The following ZCCHC7 variants were observed in gnomAD, a reference collection of about 807,000 sequenced individuals.
The protein encoded by ZCCHC7 is zinc finger CCHC domain-containing protein 7.
A neutral mutation model predicts 52.0 loss-of-function variants in ZCCHC7; 35 were observed. That is an observed-to-expected ratio of 0.67 (90% CI 0.51 to 0.89). The LOEUF (loss-of-function observed/expected upper bound fraction) is 0.89. ZCCHC7 is among the 40% of genes least tolerant of loss of function. The pLI is 0.00. For synonymous variants in ZCCHC7, 217 were observed against 221.5 expected (o/e 0.98, Z 0.18); for missense variants, 574 against 649.1 (o/e 0.88, Z 1.26).
intron 6 of ZCCHC7, among the ~76,000 whole-genome samples, chr9:37,345,066 G>A (rs985596240): frequency 6.6e-6 from 1 of 152,064 alleles, no homozygotes; most frequent in Non-Finnish European, 1.5e-5. Flanking sequence ...ATTACAATCT[G>A]GCTTGTACCT....
At chr9:37,263,619 A>G (rs1216939103) in intron 2 of ZCCHC7, among the ~76,000 whole-genome samples, 3 of 152,186 alleles carry the variant, frequency 2.0e-5, no homozygotes, top group African/African-American at 7.2e-5. Flanking sequence ...CTTTTCATTT[A>G]TTAGTCATTT....
intron 2 of ZCCHC7, among the ~76,000 whole-genome samples, chr9:37,127,441 T>G (rs919892277): frequency 4.6e-5 from 7 of 152,152 alleles, no homozygotes; most frequent in African/African-American, 1.7e-4. Flanking sequence ...TACTCCACAG[T>G]CAGAAAGACA....
chr9:37,256,126 C>T (rs1178344391), intron 2 of ZCCHC7, among the ~76,000 whole-genome samples: 1 of 152,116 alleles, frequency 6.6e-6, no homozygotes, highest in Non-Finnish European at 1.5e-5. Context: ...CAAACAGCAG[C>T]CTTGTAGAAC....
intron 2 of ZCCHC7, among the ~76,000 whole-genome samples, chr9:37,272,031 A>G (rs578063728): frequency 9.1e-4 from 138 of 152,338 alleles, no homozygotes; most frequent in Non-Finnish European, 1.8e-3. Flanking sequence ...GGAGTTTATT[A>G]TACTATTTTT....
Position 37,354,851 on chromosome 9 carries a change from C to G in ZCCHC7, c.1198+27C>G. 1 of 1,456,332 alleles carries G rather than the reference C, an allele frequency of 6.9e-7. No homozygotes were observed. Among genetic ancestry groups the G allele is most frequent in the Non-Finnish European group, 9.5e-7 (1 of 1,047,540 alleles). The allele number at this position is 1,456,332 out of a possible 1,614,324, so 90.2% of individuals were successfully genotyped here. A position where few individuals can be genotyped will look rare whatever the true frequency, so the allele number is the denominator to read the frequency against. On this transcript the variant is annotated intron_variant, in intron 8 of 8. Coordinates refer to ENST00000336755, the MANE Select transcript of ZCCHC7 (RefSeq NM_032226.3). The surrounding 1 kb of genome is among the most constrained non-coding windows in gnomAD (Gnocchi z 4.0). ...TATGTTGCTAGACTTCTTGTTAGAT[C>G]ACATTTGCAGTAGTTTCTAAATTTC...
At chr9:37,198,782 T>A (rs529240579) in intron 2 of ZCCHC7, among the ~76,000 whole-genome samples, 1 of 152,284 alleles carries the variant, frequency 6.6e-6, no homozygotes, top group African/African-American at 2.4e-5. Context: ...TTTGAAAGAT[T>A]AGTAAGAAAG....
chr9:37,148,910 C>T (rs1399650307), intron 2 of ZCCHC7, among the ~76,000 whole-genome samples: 1 of 152,026 alleles, frequency 6.6e-6, no homozygotes, highest in East Asian at 1.9e-4. Flanking sequence ...TCAGTTACCA[C>T]TATTTAGGAG....
intron 2 of ZCCHC7, among the ~76,000 whole-genome samples, chr9:37,285,925 G>T (rs1170169505): frequency 6.6e-6 from 1 of 152,122 alleles, no homozygotes; most frequent in Non-Finnish European, 1.5e-5. Context: ...GTAGAAACTT[G>T]GGGCATTATT....
intron 2 of ZCCHC7, among the ~76,000 whole-genome samples, chr9:37,156,799 C>G (rs1820837237): frequency 6.6e-6 from 1 of 152,146 alleles, no homozygotes. Flanking sequence ...CTATCACTTT[C>G]TTTAGCCTCT....
intron 2 of ZCCHC7, among the ~76,000 whole-genome samples, chr9:37,196,510 C>T (rs1823294431): frequency 6.6e-6 from 1 of 152,042 alleles, no homozygotes; most frequent in African/African-American, 2.4e-5. Flanking sequence ...TTTAGTGGTG[C>T]AGCGATTTTG....
chr9:37,330,507 A>G (rs915403634), intron 6 of ZCCHC7, among the ~76,000 whole-genome samples: 28 of 151,620 alleles, frequency 1.8e-4, no homozygotes, highest in Admixed American at 6.6e-5. Flanking sequence ...TTCTATAATT[A>G]TATAATTTAA....
chr9:37,218,170 G>T (rs1824611067), intron 2 of ZCCHC7, among the ~76,000 whole-genome samples: 1 of 152,012 alleles, frequency 6.6e-6, no homozygotes, highest in Non-Finnish European at 1.5e-5. Flanking sequence ...GACAGTTCTG[G>T]AATTTTGTTT....
chr9:37,229,698 A>G (rs550021510), intron 2 of ZCCHC7, among the ~76,000 whole-genome samples: 1 of 152,330 alleles, frequency 6.6e-6, no homozygotes, highest in African/African-American at 2.4e-5. Context: ...GAAAATTTAC[A>G]TTACTGTAAA....
At chr9:37,282,115 T>G (rs1189203004) in intron 2 of ZCCHC7, among the ~76,000 whole-genome samples, 2 of 152,086 alleles carry the variant, frequency 1.3e-5, no homozygotes, top group Non-Finnish European at 2.9e-5. Flanking sequence ...GTCAGTAGAG[T>G]AAGAATGTAC....
chr9:37,211,055 G>A (rs1339519341), intron 2 of ZCCHC7, among the ~76,000 whole-genome samples: 1 of 152,194 alleles, frequency 6.6e-6, no homozygotes, highest in Non-Finnish European at 1.5e-5. Context: ...CATTCATATA[G>A]TGAGTTTTGC....
At chr9:37,144,851 T>G (rs1843368801) in intron 2 of ZCCHC7, 1 of 152,012 alleles carries the variant, frequency 6.6e-6, no homozygotes, top group Non-Finnish European at 1.5e-5. Context: ...CAAGTGTGTA[T>G]GCCTAGCCCA....
intron 6 of ZCCHC7, among the ~76,000 whole-genome samples, chr9:37,332,805 A>C (rs745674220): frequency 1.5e-4 from 23 of 151,626 alleles, no homozygotes; most frequent in Non-Finnish European, 2.7e-4. Context: ...ACTGTAAAGG[A>C]AAGGGGGAAA....
At chr9:37,198,871 A>G (rs1010513988) in intron 2 of ZCCHC7, among the ~76,000 whole-genome samples, 1 of 152,088 alleles carries the variant, frequency 6.6e-6, no homozygotes, top group Non-Finnish European at 1.5e-5. Flanking sequence ...CGTGTTCAAT[A>G]CCTTTTTTGC....
At chr9:37,264,312 T>A (rs1189960077) in intron 2 of ZCCHC7, among the ~76,000 whole-genome samples, 5 of 152,196 alleles carry the variant, frequency 3.3e-5, no homozygotes, top group African/African-American at 1.2e-4. Context: ...TTTAATTTTT[T>A]AAAAATATAT....
Sources: allele counts gnomAD v4.1 joint callset (sites outside exome capture counted in the v4.1 genomes callset), GRCh38; gene constraint gnomAD v4.1.1; non-coding constraint Gnocchi (gnomAD v3.1); transcripts MANE v1.5; gene names NCBI Gene and HGNC (gene_info 2026-07-23, HGNC 2026-07-21).